Variants in CD36 observed in about 807,000 individuals in gnomAD.
The protein encoded by CD36 is CD36 molecule (CD36 blood group).
Under a neutral mutation model 55.2 loss-of-function variants are expected in CD36, and 119 were observed. The ratio of observed to expected loss-of-function variants is 2.15; its 90% CI spans 1.86 to 2.51. The LOEUF is 2.51. CD36 is among the 30% of genes most tolerant of loss of function. The pLI is 0.00. For synonymous variants in CD36, 186 were observed against 193.6 expected, an observed-to-expected ratio of 0.96 and a Z score of 0.33; for missense variants, 819 against 555.5, an observed-to-expected ratio of 1.47 and a Z score of -4.77.
intron 3 of CD36, among the ~76,000 whole-genome samples, chr7:80,651,303 C>T (rs532893009): frequency 2.0e-4 from 31 of 152,070 alleles, no homozygotes; most frequent in African/African-American, 6.0e-4. Context: ...TTATTACCTG[C>T]GTGAAGAAAT....
Position 80,671,074 on chromosome 7 carries a change from A to T in CD36, c.916A>T (p.Asn306Tyr), listed in dbSNP as rs1797625250. 3 of 1,612,706 alleles carry T rather than the reference A, an allele frequency of 1.9e-6. No individual in the cohort carries two copies. The highest frequency in any genetic ancestry group is 2.5e-6 in the Non-Finnish European group (3 of 1,178,994). The change falls in exon 10 of 15, where the codon AAC becomes TAC. Residue 306 changes from asparagine (N) to tyrosine (Y), a missense_variant. Coordinates refer to ENST00000447544, the MANE Select transcript of CD36 (RefSeq NM_001001548.3). ...CAAGGCCTTTGCCTCTCCAGTTGAAAACCCAGACAACTATTGTTTCTGCAC... is the reference window on the plus strand; with the variant it reads ...CAAGGCCTTTGCCTCTCCAGTTGAATACCCAGACAACTATTGTTTCTGCAC... ...PSKAFASPVE[N>Y]PDNYCFCTEK...
At chr7:80,670,347 A>T (rs1797542576) in intron 9 of CD36, 1 of 344,238 alleles carries the variant, frequency 2.9e-6, no homozygotes, top group Non-Finnish European at 5.5e-6. Flanking sequence ...TGCTCTGCTC[A>T]GATTTGTGGG....
intron 1 of CD36, among the ~76,000 whole-genome samples, chr7:80,617,249 GGAGA>G (rs1365928213): frequency 1.3e-5 from 2 of 151,978 alleles, no homozygotes; most frequent in African/African-American, 4.8e-5. Context: ...GACAGTGGAG[GGAGA>G]GAATCAGGAA....
upstream of CD36, among the ~76,000 whole-genome samples, chr7:80,636,037 G>A (rs1794375011): frequency 6.6e-6 from 1 of 152,090 alleles, no homozygotes; most frequent in Non-Finnish European, 1.5e-5. Context: ...GTTCAGTGGT[G>A]AATTAAACAG....
chr7:80,662,945 T>C, intron 5 of CD36, 45 bp from the exon 6 acceptor site: 1 of 1,435,424 alleles, frequency 7.0e-7, no homozygotes, highest in Admixed American at 1.7e-5. Flanking sequence ...TTTGTTAAAA[T>C]CTAATATTGT....
At position 80,672,053 on chromosome 7, in the gene CD36, C is replaced by A. The variant is rs3211942; in HGVS notation, c.1125+13C>A. 14,036 of 1,589,156 alleles carry A rather than the reference C, an allele frequency of 8.8e-3. 648 individuals carry two copies. In the East Asian group the frequency reaches 0.13, roughly 14 times the overall value. On this transcript the variant is annotated intron_variant, in intron 11 of 14. Coordinates refer to ENST00000447544, the MANE Select transcript of CD36 (RefSeq NM_001001548.3). ...GGATATTGAACCTGTAAGAAAACACCTTATTGATCTGATTTGGTTGATATT... is the reference window on the plus strand; with the variant it reads ...GGATATTGAACCTGTAAGAAAACACATTATTGATCTGATTTGGTTGATATT...
intron 1 of CD36, among the ~76,000 whole-genome samples, chr7:80,611,232 G>A (rs769383088): frequency 5.3e-5 from 8 of 152,158 alleles, no homozygotes; most frequent in Non-Finnish European, 8.8e-5. Context: ...CCTTTCAGCA[G>A]ATGCTCTGCC....
At chr7:80,612,603 G>T in intron 1 of CD36, among the ~76,000 whole-genome samples, 2 of 152,082 alleles carry the variant, frequency 1.3e-5, no homozygotes, top group East Asian at 1.9e-4. Context: ...TATAAATGTG[G>T]TTAAATATAT....
At chr7:80,661,662 G>A (rs769729834) in intron 5 of CD36, among the ~76,000 whole-genome samples, 10 of 152,018 alleles carry the variant, frequency 6.6e-5, no homozygotes, top group Non-Finnish European at 1.3e-4. Context: ...TGTACCAGTG[G>A]GCAATAACCT....
At chr7:80,627,754 T>C (rs988805251) in intron 1 of CD36, among the ~76,000 whole-genome samples, 2 of 152,068 alleles carry the variant, frequency 1.3e-5, no homozygotes, top group Admixed American at 6.6e-5. Context: ...TTTAATACAT[T>C]TTACAAAACT....
chr7:80,647,431 C>A (rs1795254203), intron 3 of CD36, among the ~76,000 whole-genome samples: 1 of 152,058 alleles, frequency 6.6e-6, no homozygotes, highest in South Asian at 2.1e-4. Flanking sequence ...ATATTGGAAT[C>A]TTAGAAAATA....
chr7:80,619,555 G>A (rs1214091240), intron 1 of CD36, among the ~76,000 whole-genome samples: 1 of 150,370 alleles, frequency 6.7e-6, no homozygotes, highest in Non-Finnish European at 1.5e-5. Context: ...GCTGAGGCAG[G>A]AGAATCGCTT....
At chr7:80,669,271 G>A (rs1320959028) in intron 8 of CD36, among the ~76,000 whole-genome samples, 3 of 152,164 alleles carry the variant, frequency 2.0e-5, no homozygotes, top group South Asian at 2.1e-4. Flanking sequence ...AATAGCAGCC[G>A]CCAGCCATAT....
intron 1 of CD36, among the ~76,000 whole-genome samples, chr7:80,623,120 T>C (rs1301052679): frequency 6.6e-6 from 1 of 152,088 alleles, no homozygotes; most frequent in Non-Finnish European, 1.5e-5. Context: ...TCATTGTTAG[T>C]ATTTATTATA....
rs370843596 is a variant in CD36 at position 80,656,658 on chromosome 7, G to A, written c.239G>A (p.Ser80Asn). ...AATCCACAGGAAGTGATGATGAACA[G>A]CAGCAACATTCAAGTTAAGCAAAGA... ...VQNPQEVMMNSSNIQVKQRGP... is the reference protein window; with the variant it reads ...VQNPQEVMMNNSNIQVKQRGP... The change falls in exon 4 of 15, where the codon AGC (serine) becomes AAC (asparagine). Residue 80 changes from serine to asparagine, a missense_variant. By Grantham distance (46) the Ser-to-Asn change is conservative. Transcript: ENST00000447544. The A allele has an allele frequency of 6.2e-7, 1 of 1,613,632 alleles. No homozygotes were observed. The highest frequency in any genetic ancestry group is 1.3e-5 in the African/African-American group (1 of 74,890).
At chr7:80,612,179 G>T (rs1792910433) in intron 1 of CD36, among the ~76,000 whole-genome samples, 2 of 152,166 alleles carry the variant, frequency 1.3e-5, no homozygotes, top group African/African-American at 4.8e-5. Context: ...CTACTTTGAT[G>T]ATTGTTGAAA....
At chr7:80,648,372 G>C (rs143391979) in intron 3 of CD36, among the ~76,000 whole-genome samples, 3 of 152,074 alleles carry the variant, frequency 2.0e-5, no homozygotes, top group Non-Finnish European at 4.4e-5. Context: ...CCAATGCACA[G>C]CGATTTAGAC....
chr7:80,664,853 A>T (rs1198975473), intron 7 of CD36, among the ~76,000 whole-genome samples: 3 of 6,500 alleles, frequency 4.6e-4, no homozygotes, highest in African/African-American at 6.1e-4. Flanking sequence ...ATGAAAAGGT[A>T]AAAAAAAAAA....
intron 1 of CD36, among the ~76,000 whole-genome samples, chr7:80,603,225 A>G (rs557068404): frequency 6.6e-6 from 1 of 152,292 alleles, no homozygotes; most frequent in South Asian, 2.1e-4. Flanking sequence ...GACACAATTA[A>G]GGTTGATACA....
Sources: gnomAD v4.1 joint callset for allele counts (sites outside exome capture counted in the v4.1 genomes callset) on GRCh38, gnomAD v4.1.1 for gene constraint, MANE v1.5 for transcripts, NCBI Gene and HGNC (gene_info 2026-07-23, HGNC 2026-07-21) for gene names.